Variants in MSRB3 observed in about 807,000 individuals in gnomAD.
MSRB3 encodes the protein methionine sulfoxide reductase B3, also known as methionine-R-sulfoxide reductase B3.
A neutral mutation model predicts 21.0 loss-of-function variants in MSRB3; 13 were observed. The ratio of observed to expected loss-of-function variants is 0.62; its 90% CI spans 0.40 to 0.98. The LOEUF is 0.98. Among genes scored for constraint, MSRB3 ranks in the 50% least tolerant of loss-of-function variants. The pLI is 0.00. For missense variants in MSRB3, 199 were observed against 230.3 expected (o/e 0.86, Z 0.88); for synonymous variants, 87 against 88.6 (o/e 0.98, Z 0.10).
At position 65,333,891 on chromosome 12, in the gene MSRB3, G is replaced by A. The variant is rs548698945; in HGVS notation, c.263+5288G>A. On this transcript the variant is annotated intron_variant, in intron 4 of 6. Coordinates refer to ENST00000308259, the MANE Select transcript of MSRB3 (RefSeq NM_001031679.3). Reference sequence around the variant, plus strand: ...AATAATCACCAAATACGTAGTTGTTGATCACATGCATATCTGAACTCTGTT... The same window carrying A: ...AATAATCACCAAATACGTAGTTGTTAATCACATGCATATCTGAACTCTGTT... Among the ~76,000 whole-genome samples, 3 of 152,292 alleles carry A rather than the reference G, an allele frequency of 2.0e-5. No homozygotes were observed. The South Asian group carries it at 6.2e-4, about 32-fold the overall frequency.
chr12:65,283,606 ATT>A (rs1202329376), intron 1 of MSRB3: 1 of 151,856 alleles, frequency 6.6e-6, no homozygotes, highest in Non-Finnish European at 1.5e-5. Flanking sequence ...TAATTGTAGT[ATT>A]TTTTTGTAGA....
chr12:65,375,009 C>T (rs897910354), intron 5 of MSRB3, among the ~76,000 whole-genome samples: 4 of 111,306 alleles, frequency 3.6e-5, no homozygotes, highest in African/African-American at 1.4e-4. Context: ...GCCACCACGC[C>T]TGGCTTTTTT....
intron 4 of MSRB3, among the ~76,000 whole-genome samples, chr12:65,366,769 T>G (rs908781323): frequency 6.6e-6 from 1 of 152,162 alleles, no homozygotes; most frequent in Non-Finnish European, 1.5e-5. Flanking sequence ...CAAAGAAGTG[T>G]TTTCATTTGG....
At chr12:65,333,860 G>A (rs1288238298) in intron 4 of MSRB3, among the ~76,000 whole-genome samples, 2 of 152,142 alleles carry the variant, frequency 1.3e-5, no homozygotes, top group African/African-American at 4.8e-5. Flanking sequence ...TATAGCCCCG[G>A]CACATAATAA....
chr12:65,369,430 A>G (rs1411005320), intron 5 of MSRB3, among the ~76,000 whole-genome samples: 4 of 152,332 alleles, frequency 2.6e-5, no homozygotes, highest in Non-Finnish European at 5.9e-5. Context: ...GTTCAAGCCA[A>G]TAGAAATAGA....
intron 5 of MSRB3, among the ~76,000 whole-genome samples, chr12:65,388,699 G>A (rs1256383381): frequency 6.6e-6 from 1 of 151,976 alleles, no homozygotes; most frequent in Non-Finnish European, 1.5e-5. Flanking sequence ...GTGAGAACCC[G>A]TCTCTCCAAG....
chr12:65,457,792 A>G (rs1883157986), intron 6 of MSRB3, among the ~76,000 whole-genome samples: 1 of 151,754 alleles, frequency 6.6e-6, no homozygotes, highest in Non-Finnish European at 1.5e-5. Flanking sequence ...GGTGAAGGAT[A>G]TGAACAGACA....
intron 1 of MSRB3, among the ~76,000 whole-genome samples, chr12:65,294,427 G>A: frequency 6.6e-6 from 1 of 152,198 alleles, no homozygotes; most frequent in East Asian, 1.9e-4. Context: ...GTTTTTCAAA[G>A]TGGGTTTATT....
chr12:65,423,572 C>T (rs924702744), intron 5 of MSRB3, among the ~76,000 whole-genome samples: 5 of 152,062 alleles, frequency 3.3e-5, no homozygotes, highest in Admixed American at 2.0e-4. Flanking sequence ...AATTTTGTTC[C>T]ATGCCTTTTC....
chr12:65,348,833 T>C (rs1876721476), intron 4 of MSRB3, among the ~76,000 whole-genome samples: 1 of 152,202 alleles, frequency 6.6e-6, no homozygotes, highest in Non-Finnish European at 1.5e-5. Context: ...TCTGCCTTCA[T>C]TTCGTTATGT....
Position 65,278,786 on chromosome 12 carries a change from C to A in MSRB3, c.-131C>A. The A allele has an allele frequency of 6.4e-7, 1 of 1,574,128 alleles. No homozygotes were observed. Among genetic ancestry groups the A allele is most frequent in the East Asian group, 2.4e-5 (1 of 42,542 alleles). ...GCCTTTCCATGAGCCCGCGGCGGAC[C>A]CTCCCGCGCCCCCTCTCGCTCTGCC... On this transcript the variant is annotated 5_prime_UTR_variant, in exon 1 of 7. Transcript: ENST00000308259.
intron 6 of MSRB3, among the ~76,000 whole-genome samples, chr12:65,458,537 C>A (rs1479853763): frequency 6.6e-6 from 1 of 152,196 alleles, no homozygotes; most frequent in East Asian, 1.9e-4. Flanking sequence ...CAGCACACTG[C>A]CTAATCTTTG....
chr12:65,409,191 T>C (rs957462858), intron 5 of MSRB3, among the ~76,000 whole-genome samples: 6 of 151,336 alleles, frequency 4.0e-5, no homozygotes, highest in Admixed American at 2.0e-4. Flanking sequence ...TGTGTGTATA[T>C]ACACACACAC....
chr12:65,374,087 AACTATTAAT>A (rs1878467170), intron 5 of MSRB3, among the ~76,000 whole-genome samples: 1 of 152,208 alleles, frequency 6.6e-6, no homozygotes, highest in African/African-American at 2.4e-5. Flanking sequence ...TTTCCTCAAG[AACTATTAAT>A]AAGGAAAATA....
intron 5 of MSRB3, among the ~76,000 whole-genome samples, chr12:65,427,856 C>A (rs1248894467): frequency 1.3e-5 from 2 of 152,206 alleles, no homozygotes; most frequent in African/African-American, 4.8e-5. Flanking sequence ...CCATGCACAG[C>A]AAGAGCTTAA....
chr12:65,343,473 C>A (rs1310857137), intron 4 of MSRB3, among the ~76,000 whole-genome samples: 1 of 152,020 alleles, frequency 6.6e-6, no homozygotes, highest in African/African-American at 2.4e-5. Context: ...GGCGGGACAC[C>A]AAAGTTAGAT....
intron 4 of MSRB3, among the ~76,000 whole-genome samples, chr12:65,367,664 G>A (rs1311807484): frequency 2.0e-5 from 3 of 152,152 alleles, no homozygotes; most frequent in African/African-American, 7.2e-5. Context: ...GAAACACAGG[G>A]GAGGGCATGA....
chr12:65,378,403 A>G lies in MSRB3; in HGVS notation c.292+9377A>G, dbSNP rs559605833. Among the ~76,000 whole-genome samples the G allele has an allele frequency of 2.1e-4, 32 of 152,300 alleles. No homozygotes were observed. In the South Asian group the frequency reaches 6.0e-3, roughly 29 times the overall value. On this transcript the variant is annotated intron_variant, in intron 5 of 6. Coordinates refer to ENST00000308259, the MANE Select transcript of MSRB3 (RefSeq NM_001031679.3). ...ATCATTTATTCATGCTTACATGTCT[A>G]TGGGTTGGTTGGGTGTTGGCTGGCA... is the stretch of plus-strand genomic sequence containing the variant.
chr12:65,325,281 G>A (rs1424854564), intron 2 of MSRB3, among the ~76,000 whole-genome samples: 1 of 152,180 alleles, frequency 6.6e-6, no homozygotes, highest in East Asian at 1.9e-4. Flanking sequence ...TAAAGCCTAG[G>A]ATAAGACGGG....
Sources: allele counts gnomAD v4.1 joint callset (sites outside exome capture counted in the v4.1 genomes callset), GRCh38; gene constraint gnomAD v4.1.1; transcripts MANE v1.5; gene names NCBI Gene and HGNC (gene_info 2026-07-23, HGNC 2026-07-21).